The following POU6F2 variants were observed in gnomAD, a reference collection of about 807,000 sequenced individuals.
The protein encoded by POU6F2 is POU domain, class 6, transcription factor 2.
In POU6F2, 31 loss-of-function variants were observed where a neutral mutation model predicts 71.3. That is an observed-to-expected ratio of 0.43 (90% confidence interval 0.33 to 0.59). The LOEUF (loss-of-function observed/expected upper bound fraction) is 0.59, where lower values mean the gene tolerates loss of function less well. POU6F2 is among the 20% of genes least tolerant of loss of function. The probability of loss-of-function intolerance (pLI) is 0.04; values close to 1 mark genes in which losing one functional copy is unlikely to be tolerated. For synonymous variants in POU6F2, 347 were observed against 355.7 expected (o/e 0.98, Z 0.27); for missense variants, 783 against 856.8 (o/e 0.91, Z 1.07).
chr7:39,287,171 T>C (rs1784665908), intron 4 of POU6F2, among the ~76,000 whole-genome samples: 1 of 152,164 alleles, frequency 6.6e-6, no homozygotes, highest in Admixed American at 6.5e-5. Context: ...CAACAAGCAA[T>C]GTTTGCAAAT....
At position 39,426,161 on chromosome 7, in the gene POU6F2, G is replaced by A. The variant is rs79262367; in HGVS notation, c.1114-6916G>A. Among the ~76,000 whole-genome samples the A allele has an allele frequency of 5.8e-3, 882 of 152,248 alleles. 5 individuals carry two copies. Among genetic ancestry groups the A allele is most frequent in the Non-Finnish European group, 9.8e-3 (666 of 68,020 alleles). On this transcript the variant is annotated intron_variant, in intron 6 of 9. Coordinates refer to ENST00000518318, the MANE Select transcript of POU6F2 (RefSeq NM_001370959.1). ...GCTCCAGCTTGCTAGTGATGCTCTC[G>A]ACCAGTCAGGTTGAGGTGAGGAAAG... is the stretch of plus-strand genomic sequence containing the variant.
intron 2 of POU6F2, among the ~76,000 whole-genome samples, chr7:39,131,333 T>C (rs1792273999): frequency 1.3e-5 from 2 of 152,206 alleles, no homozygotes; most frequent in Non-Finnish European, 2.9e-5. Context: ...TACATTACCA[T>C]TGCATAATCA....
At chr7:39,181,330 C>T (rs1160585171) in intron 2 of POU6F2, among the ~76,000 whole-genome samples, 7 of 152,146 alleles carry the variant, frequency 4.6e-5, no homozygotes, top group Non-Finnish European at 8.8e-5. Flanking sequence ...CTTTGGCCAC[C>T]TCAACTCTGG....
intron 1 of POU6F2, among the ~76,000 whole-genome samples, chr7:38,998,748 C>A (rs1788811519): frequency 6.7e-6 from 1 of 150,168 alleles, no homozygotes; most frequent in Admixed American, 6.6e-5. Context: ...CCTCCAAGTT[C>A]AAGCAATTCT....
At chr7:39,289,983 A>C (rs1784720987) in intron 4 of POU6F2, among the ~76,000 whole-genome samples, 1 of 151,848 alleles carries the variant, frequency 6.6e-6, no homozygotes, top group Non-Finnish European at 1.5e-5. Flanking sequence ...ATTTACAAAG[A>C]ATAGGCATAA....
chr7:39,047,216 A>G (rs1012000411), intron 1 of POU6F2, among the ~76,000 whole-genome samples: 3 of 151,986 alleles, frequency 2.0e-5, no homozygotes, highest in Middle Eastern at 3.4e-3. Flanking sequence ...TAAATTTTAT[A>G]TATTGATCAA....
chr7:39,056,498 T>C (rs573395045), intron 1 of POU6F2, among the ~76,000 whole-genome samples: 2 of 152,304 alleles, frequency 1.3e-5, no homozygotes, highest in East Asian at 3.9e-4. Context: ...TTTTCTTTTG[T>C]TGTCTCCTTC....
chr7:39,405,350 G>A (rs1030830235), intron 5 of POU6F2, among the ~76,000 whole-genome samples: 2 of 152,180 alleles, frequency 1.3e-5, no homozygotes, highest in African/African-American at 4.8e-5. Flanking sequence ...AGAGAGAGAA[G>A]AGAGACTGAG....
chr7:39,211,104 G>A (rs950137916), intron 4 of POU6F2, among the ~76,000 whole-genome samples: 1 of 152,174 alleles, frequency 6.6e-6, no homozygotes, highest in Non-Finnish European at 1.5e-5. Flanking sequence ...CACTAATTTC[G>A]TCATGAGGGC....
chr7:39,130,321 A>G (rs1206535805), intron 2 of POU6F2, among the ~76,000 whole-genome samples: 1 of 152,208 alleles, frequency 6.6e-6, no homozygotes, highest in African/African-American at 2.4e-5. Flanking sequence ...CACTGCAGTT[A>G]CAGAATTAGA....
chr7:39,085,217 A>G (rs1461453735), intron 1 of POU6F2: 1 of 152,058 alleles, frequency 6.6e-6, no homozygotes, highest in Non-Finnish European at 1.5e-5. Context: ...TGTTCATTTG[A>G]TTTGGGGTCA....
chr7:39,249,567 A>T (rs1003653950), intron 4 of POU6F2, among the ~76,000 whole-genome samples: 28 of 152,252 alleles, frequency 1.8e-4, no homozygotes, highest in Non-Finnish European at 3.7e-4. Context: ...TTTTGCTTGC[A>T]AAGTGCATTG....
intron 2 of POU6F2, among the ~76,000 whole-genome samples, chr7:39,175,071 A>ATG (rs138654861): frequency 6.6e-5 from 10 of 151,594 alleles, no homozygotes; most frequent in Middle Eastern, 3.4e-3. Context: ...GTGTATGTGT[A>ATG]TGTGTGTGTG....
At chr7:39,135,334 C>G (rs1446695398) in intron 2 of POU6F2, among the ~76,000 whole-genome samples, 1 of 152,206 alleles carries the variant, frequency 6.6e-6, no homozygotes. Flanking sequence ...GCAAAAATCT[C>G]AGCCATTGTG....
chr7:39,072,613 T>G (rs1790906428), intron 1 of POU6F2, among the ~76,000 whole-genome samples: 1 of 152,190 alleles, frequency 6.6e-6, no homozygotes, highest in South Asian at 2.1e-4. Flanking sequence ...CAGCAATTCT[T>G]TACAAATACG....
At chr7:39,423,662 T>A (rs1787905230) in intron 6 of POU6F2, among the ~76,000 whole-genome samples, 2 of 152,360 alleles carry the variant, frequency 1.3e-5, no homozygotes, top group Admixed American at 1.3e-4. Flanking sequence ...TAACCAAGCT[T>A]ATATACTTAA....
chr7:39,307,803 A>G (rs4256493), intron 4 of POU6F2, among the ~76,000 whole-genome samples: 104,168 of 151,912 alleles, frequency 0.69, 35,749 homozygotes, highest in Admixed American at 0.77. Context: ...CCCCGTCTCT[A>G]CTAAAAATAC....
intron 2 of POU6F2, among the ~76,000 whole-genome samples, chr7:39,156,458 A>T (rs1328356334): frequency 6.6e-6 from 1 of 152,140 alleles, no homozygotes; most frequent in Non-Finnish European, 1.5e-5. Context: ...AATTGAGATA[A>T]TATATAAAAA....
intron 1 of POU6F2, among the ~76,000 whole-genome samples, chr7:38,995,083 A>C (rs1402788762): frequency 6.6e-6 from 1 of 152,202 alleles, no homozygotes; most frequent in Non-Finnish European, 1.5e-5. Context: ...TAGAATTTGA[A>C]ACCCAATGCT....
Sources: allele counts gnomAD v4.1 joint callset (sites outside exome capture counted in the v4.1 genomes callset), GRCh38; gene constraint gnomAD v4.1.1; transcripts MANE v1.5; gene names NCBI Gene and HGNC (gene_info 2026-07-23, HGNC 2026-07-21).